DIABLO: variants seen among roughly 807,000 people sequenced by gnomAD.
The protein encoded by DIABLO is diablo IAP-binding mitochondrial protein.
Under a neutral mutation model 31.7 loss-of-function variants are expected in DIABLO, and 32 were observed. That is an observed-to-expected ratio of 1.01 (90% CI 0.76 to 1.35). The LOEUF is 1.35. Among genes scored for constraint, DIABLO ranks in the 40% most tolerant of loss-of-function variants. DIABLO has a pLI of 0.00. For missense variants in DIABLO, 316 were observed against 286.4 expected, an observed-to-expected ratio of 1.10 and a Z score of -0.75; for synonymous variants, 132 against 103.2, an observed-to-expected ratio of 1.28 and a Z score of -1.69.
Position 122,224,512 on chromosome 12 carries a change from C to G in DIABLO, c.183G>C (p.Gln61His), listed in dbSNP as rs1158758501. 1 of 1,613,740 alleles carries G rather than the reference C, an allele frequency of 6.2e-7. No homozygotes were observed. Among genetic ancestry groups the G allele is most frequent in the South Asian group, 1.1e-5 (1 of 91,066 alleles). ...TAAGAATCACTGCACACGACAGTACCTGTGCAATAGGAACCGCACACAGGG... is the reference window on the plus strand; with the variant it reads ...TAAGAATCACTGCACACGACAGTACGTGTGCAATAGGAACCGCACACAGGG... Reference protein sequence around the residue: ...GVTLCAVPIAQKSEPHSLSSE... With the variant: ...GVTLCAVPIAHKSEPHSLSSE... Residue 61 changes from glutamine (Q) to histidine (H), a missense_variant and splice_region_variant, in exon 2 of 6, where the codon CAG becomes CAC. Transcript: ENST00000464942.
chr12:122,210,042 T>G (rs1237107955), intron 5 of DIABLO, among the ~76,000 whole-genome samples: 1 of 152,244 alleles, frequency 6.6e-6, no homozygotes, highest in African/African-American at 2.4e-5. Context: ...GAATTATATT[T>G]GTTTGAGAAG....
At position 122,216,446 on chromosome 12, in the gene DIABLO, T is replaced by TA. The variant is rs752215724; in HGVS notation, c.523+41dup. On this transcript the variant is annotated intron_variant, in intron 5 of 5. Transcript: ENST00000464942. ...AAAACTCAAATGGTACCTTCCTAGTTAAAAAATTAAAAAAAAAACCCAACA... is the reference window on the plus strand; with the variant it reads ...AAAACTCAAATGGTACCTTCCTAGTTAAAAAAATTAAAAAAAAAACCCAACA... 6.2e-5 allele frequency: 95 copies of TA among 1,538,432 alleles called. No individual in the cohort carries two copies. In the South Asian group the frequency reaches 9.6e-4, roughly 16 times the overall value.
At chr12:122,218,697 T>G in intron 2 of DIABLO, 1 of 370,234 alleles carries the variant, frequency 2.7e-6, no homozygotes. Context: ...ATACCAGCAC[T>G]TTGGGAGGCT....
At chr12:122,227,195 GC>G (rs1404395346), upstream of DIABLO, among the ~76,000 whole-genome samples, 13 of 152,170 alleles carry the variant, frequency 8.5e-5, no homozygotes. Context: ...CTGTGCATCT[GC>G]CCCAGCCCTG....
chr12:122,215,734 CAGAGGCTT>C (rs1214264084), intron 5 of DIABLO, among the ~76,000 whole-genome samples: 2 of 151,518 alleles, frequency 1.3e-5, no homozygotes, highest in African/African-American at 4.8e-5. Flanking sequence ...ATAGGAGAAG[CAGAGGCTT>C]TGGAATTCGA....
At chr12:122,209,840 A>C in intron 5 of DIABLO, 1 of 702,574 alleles carries the variant, frequency 1.4e-6, no homozygotes, top group East Asian at 2.7e-5. Context: ...CTCCTCTTCT[A>C]ACTTCGATGA....
intron 3 of DIABLO, chr12:122,217,570 A>G (rs1383649733): frequency 1.9e-5 from 3 of 155,084 alleles, no homozygotes; most frequent in Non-Finnish European, 4.3e-5. Context: ...ACGGAAGTGC[A>G]CTGGCATGTT....
rs1316827004 is a variant in DIABLO at position 122,208,314 on chromosome 12, T to C, written c.*67A>G. ...GGTGCACAGACAGTCATGCCAACCC[T>C]GGGCAGGGTGGCATCTGCCCCTGCT... On this transcript the variant is annotated 3_prime_UTR_variant, in exon 6 of 6. Transcript: ENST00000464942. 4.5e-6 allele frequency: 7 copies of C among 1,565,418 alleles called. No homozygotes were observed. Among genetic ancestry groups the C allele is most frequent in the Non-Finnish European group, 6.1e-6 (7 of 1,144,250 alleles).
rs569847833 is a variant in DIABLO at position 122,208,011 on chromosome 12, C to T, written c.*370G>A. On this transcript the variant is annotated 3_prime_UTR_variant, in exon 6 of 6. Transcript: ENST00000464942. ...GGAACAAGTACTAAATCATTTTTGA[C>T]GACGTAAATAAGACTGAAAACAGGT... 276 of 489,440 alleles carry T rather than the reference C, an allele frequency of 5.6e-4. 1 individual carries two copies. The highest frequency in any genetic ancestry group is 4.3e-3 in the African/African-American group (220 of 51,498). The allele number at this position is 489,440 out of a possible 1,614,324, so 30.3% of individuals were successfully genotyped here. A position where few individuals can be genotyped will look rare whatever the true frequency, so the allele number is the denominator to read the frequency against.
In DIABLO at chr12:122,208,341, TC is replaced by T. The variant is rs762943411; in HGVS notation, c.*39del. On this transcript the variant is annotated 3_prime_UTR_variant, in exon 6 of 6. Coordinates refer to ENST00000464942, the MANE Select transcript of DIABLO (RefSeq NM_001371333.1). Reference sequence around the variant, plus strand: ...GGCAGGGTGGCATCTGCCCCTGCTTTCCCCACTGAGTGGGGAGACAGGGCAG... The same window carrying T: ...GGCAGGGTGGCATCTGCCCCTGCTTTCCCACTGAGTGGGGAGACAGGGCAG... 1.1e-5 allele frequency: 18 copies of T among 1,607,812 alleles called. No individual in the cohort carries two copies. Among genetic ancestry groups the T allele is most frequent in the Non-Finnish European group, 1.4e-5 (16 of 1,178,928 alleles).
intron 2 of DIABLO, among the ~76,000 whole-genome samples, chr12:122,219,750 C>G (rs1430059389): frequency 6.6e-6 from 1 of 151,258 alleles, no homozygotes; most frequent in Admixed American, 6.6e-5. Flanking sequence ...GTAGTCCCAG[C>G]TACTTGAGAG....
In DIABLO at chr12:122,224,577, T is replaced by G; in HGVS notation, c.118A>C (p.Arg40=). Residue 40 remains arginine, a synonymous_variant, in exon 2 of 6, where the codon AGA becomes CGA. Coordinates refer to ENST00000464942, the MANE Select transcript of DIABLO (RefSeq NM_001371333.1). ...FKKRCFSELI[R]PWHKTVTIGF... ...ATCGTCACAGTTTTGTGCCATGGTC[T>G]TATCAATTCTGAGAAACACCGCTTC... The G allele has an allele frequency of 6.2e-7, 1 of 1,614,000 alleles. No individual in the cohort carries two copies. Among genetic ancestry groups the G allele is most frequent in the Non-Finnish European group, 8.5e-7 (1 of 1,180,014 alleles).
In DIABLO at chr12:122,208,278, C is replaced by T. The variant is rs540458451; in HGVS notation, c.*103G>A. Reference sequence around the variant, plus strand: ...CCTGATTGGCCAGGGCAGGATCTGCCGCCTCTTCTCGGTGCACAGACAGTC... The same window carrying T: ...CCTGATTGGCCAGGGCAGGATCTGCTGCCTCTTCTCGGTGCACAGACAGTC... On this transcript the variant is annotated 3_prime_UTR_variant, in exon 6 of 6. Transcript: ENST00000464942. 43 of 1,399,344 alleles carry T rather than the reference C, an allele frequency of 3.1e-5. 1 individual carries two copies. Among genetic ancestry groups the T allele is most frequent in the South Asian group, 1.0e-4 (9 of 85,822 alleles). 86.7% of individuals were successfully genotyped at this position (1,399,344 alleles called of 1,614,324 possible).
intron 5 of DIABLO, among the ~76,000 whole-genome samples, chr12:122,210,343 C>T (rs951885666): frequency 6.8e-6 from 1 of 147,978 alleles, no homozygotes; most frequent in African/African-American, 2.5e-5. Flanking sequence ...ATTTTGGGGA[C>T]ATCAAAATCT....
intron 2 of DIABLO, among the ~76,000 whole-genome samples, chr12:122,219,682 C>A (rs1157548344): frequency 1.3e-5 from 2 of 151,586 alleles, no homozygotes; most frequent in African/African-American, 4.9e-5. Flanking sequence ...TGGCGAAACC[C>A]CAACTCTACT....
rs1198313956 is a variant in DIABLO at position 122,209,372 on chromosome 12, AAAG to A, written c.524-798_524-796del. ...ACTCCGTCTCAAAAAAAAAAGAAAA[AAAG>A]AAAAAAGGCTGGGTGCAGTGGCTCG... On this transcript the variant is annotated intron_variant, in intron 5 of 5. Coordinates refer to ENST00000464942, the MANE Select transcript of DIABLO (RefSeq NM_001371333.1). Among the ~76,000 whole-genome samples the A allele has an allele frequency of 8.6e-5, 13 of 151,920 alleles. No individual in the cohort carries two copies. The East Asian group carries it at 1.5e-3, about 18-fold the overall frequency.
intron 2 of DIABLO, chr12:122,221,017 T>G (rs1271134004): frequency 2.0e-5 from 3 of 152,272 alleles, no homozygotes; most frequent in Non-Finnish European, 4.4e-5. Context: ...AAGCTCAGAA[T>G]AGTTATGTAA....
chr12:122,212,791 A>AT (rs1156874164), intron 5 of DIABLO, among the ~76,000 whole-genome samples: 2 of 151,040 alleles, frequency 1.3e-5, no homozygotes, highest in Non-Finnish European at 2.9e-5. Flanking sequence ...CACATAGCTA[A>AT]TTTTTTTGTA....
chr12:122,226,086 C>A, upstream of DIABLO: 1 of 1,551,154 alleles, frequency 6.4e-7, no homozygotes, highest in Admixed American at 1.9e-5. Flanking sequence ...CGGGGCACGG[C>A]CTCCACCTGA....
Sources: gnomAD v4.1 joint callset for allele counts (sites outside exome capture counted in the v4.1 genomes callset) on GRCh38, gnomAD v4.1.1 for gene constraint, MANE v1.5 for transcripts, NCBI Gene and HGNC (gene_info 2026-07-23, HGNC 2026-07-21) for gene names.